SLC38A10: variants seen among roughly 807,000 people sequenced by gnomAD.
SLC38A10 encodes Sodium-coupled neutral amino acid transporter 10.
SLC38A10 carries 53 observed loss-of-function variants against 81.0 expected under a neutral mutation model. The observed-to-expected ratio is 0.65, with a 90% CI of 0.53 to 0.82. The LOEUF is 0.82. Among genes scored for constraint, SLC38A10 ranks in the 40% least tolerant of loss-of-function variants. The pLI is 0.00. For synonymous variants in SLC38A10, 665 were observed against 655.3 expected (o/e 1.01, Z -0.23); for missense variants, 1,471 against 1,545.0 (o/e 0.95, Z 0.80).
chr17:81,276,885 G>T lies in SLC38A10; in HGVS notation c.729+146C>A. On this transcript the variant is annotated intron_variant, in intron 7 of 15. Transcript: ENST00000374759. This position sits in a 1 kb window ranked among gnomAD's most constrained non-coding sequence, Gnocchi z 4.7. ...TGATGGAGCTGCCCCAGGTCCCCGC[G>T]CAGCCTCCAGACACTGGGATGGGAA... 1 of 741,900 alleles carries T rather than the reference G, an allele frequency of 1.3e-6. No individual in the cohort carries two copies. The highest frequency in any genetic ancestry group is 2.3e-6 in the Non-Finnish European group (1 of 443,188). 46.0% of individuals were successfully genotyped at this position (741,900 alleles called of 1,614,324 possible).
intron 8 of SLC38A10, among the ~76,000 whole-genome samples, chr17:81,275,266 T>C (rs986091153): frequency 6.6e-6 from 1 of 152,056 alleles, no homozygotes; most frequent in African/African-American, 2.4e-5. Flanking sequence ...TGGAGTGTAG[T>C]GATGCATTCA....
In SLC38A10 at chr17:81,272,569, A is replaced by G; in HGVS notation, c.971T>C (p.Leu324Pro). The part of the protein sequence containing the change: ...GYMPPLRFKA[L>P]TLSVVFGTMV... ...GGTTCCAAACACCACAGAGAGGGTA[A>G]GTGCTTTAAACCGGAGAGGGGGCAT... Residue 324 changes from leucine (L) to proline (P), a missense_variant, in exon 9 of 16, where the codon CTT (leucine) becomes CCT (proline). Coordinates refer to ENST00000374759, the MANE Select transcript of SLC38A10 (RefSeq NM_001037984.3). 2 of 1,596,086 alleles carry G rather than the reference A, an allele frequency of 1.3e-6. No individual in the cohort carries two copies. Among genetic ancestry groups the G allele is most frequent in the Non-Finnish European group, 1.7e-6 (2 of 1,172,432 alleles).
intron 10 of SLC38A10, among the ~76,000 whole-genome samples, chr17:81,266,758 G>A (rs964437575): frequency 1.3e-5 from 2 of 152,248 alleles, no homozygotes; most frequent in African/African-American, 4.8e-5. Flanking sequence ...TAAACCAAAT[G>A]CAGTGCCTTC....
chr17:81,260,348 G>T lies in SLC38A10; in HGVS notation c.1178C>A (p.Thr393Asn), dbSNP rs1268940426. ...GLGVLVVSTV[T>N]TLSVSEEVPE... ...GACCTCCTCGCTCACAGACAGTGTG[G>T]TGACAGTGCTCACCACCAGGACGCC... Residue 393 changes from threonine (T) to asparagine (N), a missense_variant, in exon 11 of 16, where the codon ACC becomes AAC. By Grantham distance (65) the Thr-to-Asn change is moderately conservative. Transcript: ENST00000374759. 1 of 1,611,046 alleles carries T rather than the reference G, an allele frequency of 6.2e-7. No individual in the cohort carries two copies. The highest frequency in any genetic ancestry group is 1.7e-5 in the Admixed American group (1 of 59,716).
chr17:81,252,071 G>A (rs2062920584), intron 13 of SLC38A10, 124 bp downstream of exon 13: 2 of 1,367,078 alleles, frequency 1.5e-6, no homozygotes, highest in Non-Finnish European at 1.9e-6. Flanking sequence ...CCATTTGCAT[G>A]CTAATCTGGT....
chr17:81,247,030 G>A lies in SLC38A10; in HGVS notation c.2097C>T (p.Ala699=), dbSNP rs528450734. 1.4e-5 allele frequency: 23 copies of A among 1,598,146 alleles called. No individual in the cohort carries two copies. In the East Asian group the frequency reaches 2.2e-4, roughly 16 times the overall value. ...EAGRAEMLDH[A]VLLQVIKEQQ... Reference sequence around the variant, plus strand: ...GTTCTTTGATCACCTGAAGCAGGACGGCGTGGTCCAGCATCTCCGCCCTGC... The same window carrying A: ...GTTCTTTGATCACCTGAAGCAGGACAGCGTGGTCCAGCATCTCCGCCCTGC... Residue 699 remains alanine (A), a synonymous_variant, in exon 15 of 16, where the codon GCC becomes GCT. Transcript: ENST00000374759.
In SLC38A10 at chr17:81,252,372, G is replaced by C. The variant is rs1316224622; in HGVS notation, c.1768C>G (p.Gln590Glu). ...GGCCCCAGGTCCTCCTTTGCAGGCT[G>C]GACAGCTGGCTGACCATCTGCTTCT... is the stretch of plus-strand genomic sequence containing the variant. ...VPEADGQPAV[Q>E]PAKEDLGPGD... Residue 590 changes from glutamine (Q) to glutamate (E), a missense_variant, in exon 13 of 16, where the codon CAG (glutamine) becomes GAG (glutamate). Around this residue, in one of 2 missense-constraint regions of SLC38A10, gnomAD observed 720 missense variants for 827.7 expected, o/e 0.87. Coordinates refer to ENST00000374759, the MANE Select transcript of SLC38A10 (RefSeq NM_001037984.3). The C allele has an allele frequency of 6.2e-7, 1 of 1,613,090 alleles. No individual in the cohort carries two copies. Among genetic ancestry groups the C allele is most frequent in the Non-Finnish European group, 8.5e-7 (1 of 1,180,034 alleles).
At position 81,295,096 on chromosome 17, in the gene SLC38A10, G is replaced by C. The variant is rs555927073; in HGVS notation, c.-175C>G. ...AGCAGGCGCGGGCGCGGGCCCCAGA[G>C]GCTGCCTGGAGGAGGCAGCCTCGAA... On this transcript the variant is annotated 5_prime_UTR_variant, in exon 1 of 16. Coordinates refer to ENST00000374759, the MANE Select transcript of SLC38A10 (RefSeq NM_001037984.3). 1 of 1,208,866 alleles carries C rather than the reference G, an allele frequency of 8.3e-7. No homozygotes were observed. Among genetic ancestry groups the C allele is most frequent in the East Asian group, 3.7e-5 (1 of 26,882 alleles). The allele number at this position is 1,208,866 out of a possible 1,614,324, so 74.9% of individuals were successfully genotyped here.
intron 13 of SLC38A10, 115 bp downstream of exon 13, chr17:81,252,080 G>T: frequency 7.1e-7 from 1 of 1,409,044 alleles, no homozygotes; most frequent in Non-Finnish European, 9.4e-7. Context: ...TGCTAATCTG[G>T]TGCAGGGAGA....
rs1004963690 is a variant in SLC38A10 at position 81,277,940 on chromosome 17, AGTCCAGGGGGGTGCTCCTAGGGT to A, written c.627-830_627-808del. 6.7e-6 allele frequency among the ~76,000 whole-genome samples: 1 copy of A among 148,988 alleles called. No individual in the cohort carries two copies. Among genetic ancestry groups the A allele is most frequent in the African/African-American group, 2.5e-5 (1 of 40,360 alleles). On this transcript the variant is annotated intron_variant, in intron 6 of 15. Coordinates refer to ENST00000374759, the MANE Select transcript of SLC38A10 (RefSeq NM_001037984.3). The surrounding 1 kb of genome is among the most constrained non-coding windows in gnomAD (Gnocchi z 4.5). ...GGCTGAACGAGGACTCTGGAGTGGGAGTCCAGGGGGGTGCTCCTAGGGTGTCCAGGTGGCCATGGCCATGGCTG... is the reference window on the plus strand; with the variant it reads ...GGCTGAACGAGGACTCTGGAGTGGGAGTCCAGGTGGCCATGGCCATGGCTG...
Position 81,289,886 on chromosome 17 carries a change from T to A in SLC38A10, c.100-78A>T. On this transcript the variant is annotated intron_variant, in intron 1 of 15. Coordinates refer to ENST00000374759, the MANE Select transcript of SLC38A10 (RefSeq NM_001037984.3). This position sits in a 1 kb window ranked among gnomAD's most constrained non-coding sequence, Gnocchi z 5.9. Reference sequence around the variant, plus strand: ...GCCCTCACCCCACACACGCGGCTCATGAGGACCCTCTTCACCCCCAGGCCC... The same window carrying A: ...GCCCTCACCCCACACACGCGGCTCAAGAGGACCCTCTTCACCCCCAGGCCC... 1 of 1,219,040 alleles carries A rather than the reference T, an allele frequency of 8.2e-7. No individual in the cohort carries two copies. The highest frequency in any genetic ancestry group is 1.5e-5 in the African/African-American group (1 of 65,032). The allele number at this position is 1,219,040 out of a possible 1,614,324, so 75.5% of individuals were successfully genotyped here. A position where few individuals can be genotyped will look rare whatever the true frequency, so the allele number is the denominator to read the frequency against.
chr17:81,290,608 G>A (rs1375875845), intron 1 of SLC38A10, among the ~76,000 whole-genome samples: 1 of 152,210 alleles, frequency 6.6e-6, no homozygotes, highest in Non-Finnish European at 1.5e-5. Context: ...GGGGTGTGGA[G>A]ATTTGGCTGA....
chr17:81,255,043 C>T (rs2062959106), intron 11 of SLC38A10, among the ~76,000 whole-genome samples: 1 of 152,276 alleles, frequency 6.6e-6, no homozygotes, highest in African/African-American at 2.4e-5. Context: ...GTCTGGGGCT[C>T]CAGGGGGAGC....
chr17:81,275,160 G>A (rs548459281), intron 8 of SLC38A10, among the ~76,000 whole-genome samples: 5 of 152,198 alleles, frequency 3.3e-5, no homozygotes, highest in South Asian at 2.1e-4. Flanking sequence ...CTCCCACCTC[G>A]CCCTCCCAAA....
At chr17:81,251,928 C>G in intron 13 of SLC38A10, 2 of 548,544 alleles carry the variant, frequency 3.6e-6, no homozygotes, top group Non-Finnish European at 3.0e-6. Context: ...CGCCGCCCCC[C>G]GTGTGCGCCC....
In SLC38A10 at chr17:81,253,649, ACATCACCAT is replaced by A. The variant is rs376422295; in HGVS notation, c.1289-418_1289-410del. On this transcript the variant is annotated intron_variant, in intron 11 of 15. Coordinates refer to ENST00000374759, the MANE Select transcript of SLC38A10 (RefSeq NM_001037984.3). The surrounding 1 kb of genome is among the most constrained non-coding windows in gnomAD (Gnocchi z 4.1). ...ATCATCTCCATCCCTACCACCATCA[ACATCACCAT>A]CATCACCATCATCTCCATCCCTACC... Among the ~76,000 whole-genome samples the A allele has an allele frequency of 0.014, 1,936 of 142,076 alleles. 19 individuals are homozygous for A. The highest frequency in any genetic ancestry group is 0.019 in the Admixed American group (280 of 14,364). The allele number at this position is 142,076 out of a possible 152,430, so 93.2% of individuals were successfully genotyped here. A position where few individuals can be genotyped will look rare whatever the true frequency, so the allele number is the denominator to read the frequency against.
At chr17:81,247,473 G>A (rs528519515) in intron 14 of SLC38A10, 1 of 165,016 alleles carries the variant, frequency 6.1e-6, no homozygotes, top group South Asian at 2.0e-4. Context: ...ATCTGGGCTG[G>A]GTGGGGTTTT....
intron 1 of SLC38A10, 58 bp downstream of exon 1, chr17:81,294,765 C>A: frequency 6.8e-7 from 1 of 1,476,350 alleles, no homozygotes; most frequent in Admixed American, 2.2e-5. Flanking sequence ...ACGACCCAGC[C>A]AGACGCCCCC....
rs1029411399 is a variant in SLC38A10 at position 81,245,299 on chromosome 17, A to G, written c.*257T>C. 20 of 432,690 alleles carry G rather than the reference A, an allele frequency of 4.6e-5. No homozygotes were observed. Among genetic ancestry groups the G allele is most frequent in the Middle Eastern group, 6.1e-4 (1 of 1,646 alleles). The allele number at this position is 432,690 out of a possible 1,614,324, so 26.8% of individuals were successfully genotyped here. A position where few individuals can be genotyped will look rare whatever the true frequency, so the allele number is the denominator to read the frequency against. ...CGCAGCGGAGGCCGTTTCTCCTCAC[A>G]GGCTGGAGTGAGCTCAGAGTCTAGA... On this transcript the variant is annotated 3_prime_UTR_variant, in exon 16 of 16. Transcript: ENST00000374759.
Sources: gnomAD v4.1 joint callset for allele counts (sites outside exome capture counted in the v4.1 genomes callset) on GRCh38, gnomAD v4.1.1 for gene constraint, gnomAD v4.1.1 regional missense constraint, Gnocchi (gnomAD v3.1) non-coding constraint, MANE v1.5 for transcripts, NCBI Gene and HGNC (gene_info 2026-07-23, HGNC 2026-07-21) for gene names.